The following NOL4 variants were observed in gnomAD, a reference collection of about 807,000 sequenced individuals.
The protein encoded by NOL4 is nucleolar protein 4, also known as cancer/testis antigen 125.
A neutral mutation model predicts 75.9 loss-of-function variants in NOL4; 17 were observed. The ratio of observed to expected loss-of-function variants is 0.22; its 90% CI spans 0.15 to 0.34. The LOEUF (loss-of-function observed/expected upper bound fraction) is 0.34, where lower values mean the gene tolerates loss of function less well. Ranked by LOEUF, NOL4 falls within the 10% of genes least tolerant of loss-of-function variation. The probability of loss-of-function intolerance (pLI) is 1.00; values close to 1 mark genes in which losing one functional copy is unlikely to be tolerated. For synonymous variants in NOL4, 292 were observed against 289.9 expected (o/e 1.01, Z -0.07); for missense variants, 614 against 793.5 (o/e 0.77, Z 2.72).
At chr18:33,912,615 C>T (rs756558817) in intron 9 of NOL4, among the ~76,000 whole-genome samples, 9 of 152,156 alleles carry the variant, frequency 5.9e-5, no homozygotes, top group Non-Finnish European at 1.3e-4. Flanking sequence ...GTTCTTCAAT[C>T]TGTGAAATCA....
chr18:34,082,207 G>A (rs114212511), intron 5 of NOL4, among the ~76,000 whole-genome samples: 2,856 of 152,142 alleles, frequency 0.019, 91 homozygotes, highest in African/African-American at 0.065. Context: ...TAATAAATGC[G>A]GTGGTTACAC....
intron 6 of NOL4, among the ~76,000 whole-genome samples, chr18:33,999,158 T>TTTTTTTG (rs2073514114): frequency 6.6e-6 from 1 of 151,444 alleles, no homozygotes; most frequent in Non-Finnish European, 1.5e-5. Context: ...TTTTTTTTTT[T>TTTTTTTG]TTTAGACAGT....
At chr18:33,978,598 A>G (rs2145952471) in intron 6 of NOL4, among the ~76,000 whole-genome samples, 1 of 152,204 alleles carries the variant, frequency 6.6e-6, no homozygotes, top group Non-Finnish European at 1.5e-5. Flanking sequence ...TTAAGTATTA[A>G]TTTAGATGTA....
At chr18:34,113,905 T>C (rs961486467) in intron 2 of NOL4, among the ~76,000 whole-genome samples, 8 of 152,298 alleles carry the variant, frequency 5.3e-5, no homozygotes, top group South Asian at 2.1e-4. Context: ...TTTGAAATGT[T>C]AAATCAATTT....
At chr18:34,180,779 T>C (rs887479667) in intron 1 of NOL4, among the ~76,000 whole-genome samples, 13 of 151,684 alleles carry the variant, frequency 8.6e-5, no homozygotes, top group African/African-American at 2.7e-4. Context: ...TTTCATTTTA[T>C]ATACTAGCAA....
At chr18:33,864,686 C>T (rs879582232) in intron 10 of NOL4, among the ~76,000 whole-genome samples, 3 of 152,096 alleles carry the variant, frequency 2.0e-5, no homozygotes, top group Non-Finnish European at 4.4e-5. Flanking sequence ...TAGCAGTTTC[C>T]CCCTGTCTAT....
At chr18:34,059,142 T>TATATATATAG (rs1230441438) in intron 5 of NOL4, among the ~76,000 whole-genome samples, 1 of 122,172 alleles carries the variant, frequency 8.2e-6, no homozygotes. Context: ...TATATATATA[T>TATATATATAG]ATATATATAT....
chr18:33,867,245 A>T (rs1024066861), intron 10 of NOL4, among the ~76,000 whole-genome samples: 3 of 152,050 alleles, frequency 2.0e-5, no homozygotes, highest in Non-Finnish European at 4.4e-5. Context: ...GTGCTGCATA[A>T]TTTTTGTCTG....
intron 9 of NOL4, among the ~76,000 whole-genome samples, chr18:33,932,847 T>TA (rs1568083739): frequency 6.6e-6 from 1 of 152,114 alleles, no homozygotes; most frequent in Non-Finnish European, 1.5e-5. Context: ...ATGGCAATTA[T>TA]AAAAGAAAGG....
intron 1 of NOL4, among the ~76,000 whole-genome samples, chr18:34,160,217 T>A (rs958962382): frequency 6.6e-6 from 1 of 152,106 alleles, no homozygotes; most frequent in Non-Finnish European, 1.5e-5. Context: ...AAGAAACAAC[T>A]TTTCAATTCT....
chr18:34,208,595 A>G (rs955935021), intron 1 of NOL4, among the ~76,000 whole-genome samples: 5 of 152,158 alleles, frequency 3.3e-5, no homozygotes, highest in African/African-American at 9.7e-5. Context: ...TCACACCTGT[A>G]ATCCTAGCAC....
intron 1 of NOL4, among the ~76,000 whole-genome samples, chr18:34,185,603 C>T (rs566068256): frequency 1.8e-4 from 27 of 152,226 alleles, no homozygotes; most frequent in African/African-American, 5.1e-4. Flanking sequence ...CTTTTCAGCT[C>T]TTGTCAGACC....
chr18:34,190,801 C>A (rs1311232997), intron 1 of NOL4, among the ~76,000 whole-genome samples: 1 of 151,554 alleles, frequency 6.6e-6, no homozygotes, highest in African/African-American at 2.4e-5. Context: ...ATTTCACACT[C>A]CAAAAAAGTA....
At chr18:33,883,614 G>T (rs1036583420) in intron 9 of NOL4, among the ~76,000 whole-genome samples, 190 bp from the exon 10 acceptor site, 1 of 152,116 alleles carries the variant, frequency 6.6e-6, no homozygotes, top group East Asian at 1.9e-4. Context: ...AAATAACAAT[G>T]TGGGCAGATT....
chr18:34,062,930 C>G (rs1230337840), intron 5 of NOL4, among the ~76,000 whole-genome samples: 2 of 152,052 alleles, frequency 1.3e-5, no homozygotes, highest in Non-Finnish European at 2.9e-5. Context: ...TCAAATTTGT[C>G]AAATATAATG....
chr18:34,169,670 A>G lies in NOL4; in HGVS notation c.265-39650T>C, dbSNP rs71363433. 9.5e-3 allele frequency among the ~76,000 whole-genome samples: 1,444 copies of G among 152,270 alleles called. 12 individuals carry two copies. The highest frequency in any genetic ancestry group is 0.024 in the Middle Eastern group (7 of 294). On this transcript the variant is annotated intron_variant, in intron 1 of 10. Coordinates refer to ENST00000261592, the MANE Select transcript of NOL4 (RefSeq NM_003787.5). ...GAAGAATATGCACCATGCCAATACT[A>G]CAAGGGCTAGGTTATCAATGGAATA...
chr18:33,951,671 C>T (rs545952740), intron 8 of NOL4, among the ~76,000 whole-genome samples: 1 of 152,180 alleles, frequency 6.6e-6, no homozygotes, highest in East Asian at 1.9e-4. Context: ...CTGTGGGTAA[C>T]TTACATACTT....
At chr18:34,173,155 C>G (rs1181035935) in intron 1 of NOL4, among the ~76,000 whole-genome samples, 1 of 151,968 alleles carries the variant, frequency 6.6e-6, no homozygotes, top group Admixed American at 6.6e-5. Flanking sequence ...TGCAGAAAGA[C>G]AAATACTGAA....
chr18:34,102,715 G>C (rs1365846838), intron 4 of NOL4, among the ~76,000 whole-genome samples: 1 of 151,870 alleles, frequency 6.6e-6, no homozygotes, highest in African/African-American at 2.4e-5. Flanking sequence ...ATCTAAATGA[G>C]CTTCCTACAA....
Sources: allele counts gnomAD v4.1 joint callset (sites outside exome capture counted in the v4.1 genomes callset), GRCh38; gene constraint gnomAD v4.1.1; transcripts MANE v1.5; gene names NCBI Gene and HGNC (gene_info 2026-07-23, HGNC 2026-07-21).